The following PCDHGA3 variants were observed in gnomAD, a reference collection of about 807,000 sequenced individuals.
The protein encoded by PCDHGA3 is protocadherin gamma-A3.
In PCDHGA3, 40 loss-of-function variants were observed where a neutral mutation model predicts 58.5. The ratio of observed to expected loss-of-function variants is 0.68; its 90% confidence interval spans 0.53 to 0.89. The LOEUF (loss-of-function observed/expected upper bound fraction) is 0.89. Ranked by LOEUF, PCDHGA3 falls within the 40% of genes least tolerant of loss-of-function variation. The pLI is 0.00. For synonymous variants in PCDHGA3, 530 were observed against 525.7 expected, an observed-to-expected ratio of 1.01 and a Z score of -0.11; for missense variants, 1,223 against 1,195.9, an observed-to-expected ratio of 1.02 and a Z score of -0.33.
intron 1 of PCDHGA3, chr5:141,378,750 G>T (rs1388712170): frequency 1.3e-5 from 2 of 152,084 alleles, no homozygotes; most frequent in African/African-American, 4.8e-5. Flanking sequence ...CAAGAAAAAA[G>T]GGATTATCAT....
In PCDHGA3 at chr5:141,394,244, C is replaced by T. The variant is rs371631729; in HGVS notation, c.2424+47787C>T. On this transcript the variant is annotated intron_variant, in intron 1 of 3. Coordinates refer to ENST00000253812, the MANE Select transcript of PCDHGA3 (RefSeq NM_018916.4). ...CCTCCATCTTTTCCTTGACTGCACA[C>T]GACCCCGACAGCCAGGAGAATGCCC... The T allele has an allele frequency of 1.5e-5, 25 of 1,613,938 alleles. No homozygotes were observed. In the African/African-American group the frequency reaches 2.3e-4, roughly 15 times the overall value.
chr5:141,505,252 C>T (rs2099844831), intron 2 of PCDHGA3, 141 bp from the exon 3 acceptor site: 1 of 1,454,140 alleles, frequency 6.9e-7, no homozygotes, highest in Non-Finnish European at 9.2e-7. Context: ...TGTAGAAGTG[C>T]CTCCTACCTT....
At chr5:141,460,453 A>G (rs1487816393) in intron 1 of PCDHGA3, among the ~76,000 whole-genome samples, 1 of 152,152 alleles carries the variant, frequency 6.6e-6, no homozygotes, top group Non-Finnish European at 1.5e-5. Flanking sequence ...ATGAAGATTC[A>G]TATTTTTTTC....
rs768265171 is a variant in PCDHGA3, at chr5:141,432,847, G to T, written c.2425-61960G>T. The T allele has an allele frequency of 6.2e-7, 1 of 1,614,180 alleles. No homozygotes were observed. On this transcript the variant is annotated intron_variant, in intron 1 of 3. Transcript: ENST00000253812. The surrounding 1 kb of genome is among the most constrained non-coding windows in gnomAD (Gnocchi z 6.0). ...ACCTCACTCTGTACCTGGTGGTAGC[G>T]GTGGCCGCGGTCTCCTGCGTCTTCC...
chr5:141,477,298 T>C lies in PCDHGA3; in HGVS notation c.2425-17509T>C. ...TGGTGACCTGCGAAGTTCCACCGGG[T>C]CTCCCTTTCAGCCTTACTTCTTCCC... On this transcript the variant is annotated intron_variant, in intron 1 of 3. Coordinates refer to ENST00000253812, the MANE Select transcript of PCDHGA3 (RefSeq NM_018916.4). This position sits in a 1 kb window ranked among gnomAD's most constrained non-coding sequence, Gnocchi z 4.9. 1 of 1,613,344 alleles carries C rather than the reference T, an allele frequency of 6.2e-7. No individual in the cohort carries two copies. Among genetic ancestry groups the C allele is most frequent in the Non-Finnish European group, 8.5e-7 (1 of 1,179,870 alleles).
At chr5:141,500,222 T>TGA (rs1355843194) in intron 2 of PCDHGA3, among the ~76,000 whole-genome samples, 1 of 146,758 alleles carries the variant, frequency 6.8e-6, no homozygotes, top group Non-Finnish European at 1.5e-5. Flanking sequence ...ATTTATTTAT[T>TGA]TATTGATACG....
intron 1 of PCDHGA3, among the ~76,000 whole-genome samples, chr5:141,458,513 G>GTT (rs537551567): frequency 7.5e-5 from 11 of 146,196 alleles, no homozygotes; most frequent in African/African-American, 2.2e-4. Flanking sequence ...TTGACACTTT[G>GTT]TTTTTTTTTT....
rs563642216 is a variant in PCDHGA3, at chr5:141,376,735, G to A, written c.2424+30278G>A. The A allele has an allele frequency of 1.9e-5, 10 of 521,610 alleles. 1 individual carries two copies. The South Asian group carries it at 2.3e-4, about 12-fold the overall frequency. 32.3% of individuals were successfully genotyped at this position (521,610 alleles called of 1,614,324 possible). ...CGCTCTGTCGCCCAGGCCGGACTGC[G>A]GACTGCAGTGGCGCAATCTCGGCTC... On this transcript the variant is annotated intron_variant, in intron 1 of 3. Coordinates refer to ENST00000253812, the MANE Select transcript of PCDHGA3 (RefSeq NM_018916.4).
At chr5:141,458,899 T>A (rs1398965632) in intron 1 of PCDHGA3, among the ~76,000 whole-genome samples, 2 of 152,106 alleles carry the variant, frequency 1.3e-5, no homozygotes, top group African/African-American at 2.4e-5. Context: ...GCGCAGCTAA[T>A]TTTTTCTATT....
chr5:141,473,850 G>A (rs1490458424), intron 1 of PCDHGA3, among the ~76,000 whole-genome samples: 1 of 152,184 alleles, frequency 6.6e-6, no homozygotes, highest in African/African-American at 2.4e-5. Flanking sequence ...TTAGGAAGAT[G>A]AACCTCGCTA....
In PCDHGA3 at chr5:141,361,166, C is replaced by T. The variant is rs1471893315; in HGVS notation, c.2424+14709C>T. 3 of 1,613,940 alleles carry T rather than the reference C, an allele frequency of 1.9e-6. No homozygotes were observed. The Admixed American group carries it at 5.0e-5, about 27-fold the overall frequency. On this transcript the variant is annotated intron_variant, in intron 1 of 3. Coordinates refer to ENST00000253812, the MANE Select transcript of PCDHGA3 (RefSeq NM_018916.4). ...GAAATTCTTGATGACAACGATTGTG[C>T]ACCTGAAGTTATTGTGACTTCAGTA...
chr5:141,409,502 T>C, intron 1 of PCDHGA3: 2 of 1,613,986 alleles, frequency 1.2e-6, no homozygotes, highest in South Asian at 1.1e-5. Flanking sequence ...GCCTCTTTCT[T>C]CCAGTAGAAG....
In PCDHGA3 at chr5:141,477,143, G is replaced by T; in HGVS notation, c.2425-17664G>T. On this transcript the variant is annotated intron_variant, in intron 1 of 3. Transcript: ENST00000253812. The surrounding 1 kb of genome is among the most constrained non-coding windows in gnomAD (Gnocchi z 4.9). The stretch of plus-strand genomic sequence containing the variant: ...ACATTGCAAAGTGTTGGTGGAGGTT[G>T]TGGATGTGAATGACAACGCCCCGGA... The T allele has an allele frequency of 6.2e-7, 1 of 1,614,198 alleles. No homozygotes were observed. The highest frequency in any genetic ancestry group is 8.5e-7 in the Non-Finnish European group (1 of 1,180,036).
At position 141,403,190 on chromosome 5, in the gene PCDHGA3, C is replaced by G. The variant is rs768673759; in HGVS notation, c.2424+56733C>G. The G allele has an allele frequency of 1.1e-5, 17 of 1,613,864 alleles. No homozygotes were observed. The African/African-American group carries it at 2.0e-4, about 19-fold the overall frequency. On this transcript the variant is annotated intron_variant, in intron 1 of 3. Coordinates refer to ENST00000253812, the MANE Select transcript of PCDHGA3 (RefSeq NM_018916.4). ...GACGCAGCTTTTCTCTCTGAACCCG[C>G]GCAGCGGCACCTTGGTCACCGCGGG...
In PCDHGA3 at chr5:141,432,011, TACA is replaced by T. The variant is rs1296391274; in HGVS notation, c.2425-62792_2425-62790del. 2 of 1,614,202 alleles carry T rather than the reference TACA, an allele frequency of 1.2e-6. No homozygotes were observed. Among genetic ancestry groups the T allele is most frequent in the South Asian group, 2.2e-5 (2 of 91,084 alleles). On this transcript the variant is annotated intron_variant, in intron 1 of 3. Transcript: ENST00000253812. This position sits in a 1 kb window ranked among gnomAD's most constrained non-coding sequence, Gnocchi z 6.0. The stretch of plus-strand genomic sequence containing the variant: ...CTTGGATAGGGAACAGGTTCCTAGC[TACA>T]ACATCACAGTGACCGCCACTGACCG...
At chr5:141,453,311 A>C (rs2098762053) in intron 1 of PCDHGA3, among the ~76,000 whole-genome samples, 1 of 151,602 alleles carries the variant, frequency 6.6e-6, no homozygotes, top group African/African-American at 2.4e-5. Flanking sequence ...TTATTTATTT[A>C]TTTTAGAGAT....
intron 1 of PCDHGA3, among the ~76,000 whole-genome samples, chr5:141,346,851 C>A (rs976506085): frequency 3.3e-5 from 5 of 152,082 alleles, no homozygotes; most frequent in Non-Finnish European, 7.4e-5. Context: ...ATTTTAAATC[C>A]CTGTGCTTTG....
intron 1 of PCDHGA3, chr5:141,395,509 G>C (rs59251876): frequency 0.091 from 39,157 of 428,204 alleles, 2,522 homozygotes; most frequent in African/African-American, 0.18. Flanking sequence ...TTAAGAAGTA[G>C]CTACCCGTCC....
intron 1 of PCDHGA3, among the ~76,000 whole-genome samples, chr5:141,387,526 G>C (rs186607627): frequency 2.0e-5 from 3 of 152,206 alleles, no homozygotes; most frequent in African/African-American, 7.2e-5. Context: ...ATATACAGAC[G>C]TATCCACGTA....
Sources: gnomAD v4.1 joint callset for allele counts (sites outside exome capture counted in the v4.1 genomes callset) on GRCh38, gnomAD v4.1.1 for gene constraint, Gnocchi (gnomAD v3.1) non-coding constraint, MANE v1.5 for transcripts, NCBI Gene and HGNC (gene_info 2026-07-23, HGNC 2026-07-21) for gene names.